The following LGR4 variants were observed in gnomAD, a reference collection of about 807,000 sequenced individuals.
The protein encoded by LGR4 is leucine-rich repeat-containing G protein-coupled receptor 4.
A neutral mutation model predicts 84.8 loss-of-function variants in LGR4; 44 were observed. That is an observed-to-expected ratio of 0.52 (90% CI 0.41 to 0.67). The LOEUF (loss-of-function observed/expected upper bound fraction) is 0.67. LGR4 is among the 30% of genes least tolerant of loss of function. The pLI, the probability that LGR4 is intolerant of heterozygous loss-of-function variation, is 0.00. For missense variants in LGR4, 1,032 were observed against 1,131.4 expected (o/e 0.91, Z 1.26); for synonymous variants, 429 against 434.3 (o/e 0.99, Z 0.15).
At chr11:27,433,340 G>A (rs1450544823) in intron 1 of LGR4, among the ~76,000 whole-genome samples, 1 of 151,944 alleles carries the variant, frequency 6.6e-6, no homozygotes, top group Non-Finnish European at 1.5e-5. Context: ...AGACTCCCCA[G>A]TAGTTGGGAC....
At chr11:27,379,021 G>C in intron 10 of LGR4, 1 of 480,482 alleles carries the variant, frequency 2.1e-6, no homozygotes, top group Non-Finnish European at 3.6e-6. Flanking sequence ...ACATGGACCA[G>C]GAGGAAAACA....
chr11:27,439,298 T>G (rs1339305265), intron 1 of LGR4, among the ~76,000 whole-genome samples: 1 of 152,226 alleles, frequency 6.6e-6, no homozygotes, highest in Non-Finnish European at 1.5e-5. Flanking sequence ...TAAGTACCTA[T>G]ATGAATGGAA....
At chr11:27,407,032 T>C (rs1672416844) in intron 2 of LGR4, among the ~76,000 whole-genome samples, 1 of 152,144 alleles carries the variant, frequency 6.6e-6, no homozygotes, top group African/African-American at 2.4e-5. Context: ...ATTGGTAAGA[T>C]ATAGAAGAGA....
intron 1 of LGR4, among the ~76,000 whole-genome samples, chr11:27,423,054 C>T (rs1025508174): frequency 1.3e-5 from 2 of 151,950 alleles, no homozygotes; most frequent in South Asian, 4.2e-4. Flanking sequence ...CTGATAAAAC[C>T]ATCCCTAGAT....
At chr11:27,402,273 G>C (rs950241798) in intron 2 of LGR4, among the ~76,000 whole-genome samples, 2 of 152,164 alleles carry the variant, frequency 1.3e-5, no homozygotes, top group Admixed American at 1.3e-4. Context: ...AGGGATTTCT[G>C]AGAAAGACAG....
chr11:27,469,285 CAACCAGCCTCAA>C (rs1478591196), intron 1 of LGR4, among the ~76,000 whole-genome samples: 1 of 152,184 alleles, frequency 6.6e-6, no homozygotes. Context: ...GAACAAGTTT[CAACCAGCCTCAA>C]GGAGAAGAAG....
In LGR4 at chr11:27,391,140, T is replaced by C. The variant is rs1454647061; in HGVS notation, c.355A>G (p.Thr119Ala). 4 of 1,608,716 alleles carry C rather than the reference T, an allele frequency of 2.5e-6. No individual in the cohort carries two copies. Among genetic ancestry groups the C allele is most frequent in the Non-Finnish European group, 3.4e-6 (4 of 1,177,134 alleles). Reference protein sequence around the residue: ...VLTLQNNQLKTVPSEAIRGLS... With the variant: ...VLTLQNNQLKAVPSEAIRGLS... ...CCTCGAATGGCTTCACTGGGTACTG[T>C]TTTCAACTGATTATTCTGGAGCGTT... The change falls in exon 4 of 18, where the codon ACA (threonine) becomes GCA (alanine). Residue 119 changes from threonine (T) to alanine (A), a missense_variant. Transcript: ENST00000379214.
chr11:27,424,220 C>T (rs538165979), intron 1 of LGR4, among the ~76,000 whole-genome samples: 4 of 152,280 alleles, frequency 2.6e-5, no homozygotes, highest in African/African-American at 7.2e-5. Context: ...TACACACACA[C>T]ATACACATTA....
At position 27,386,443 on chromosome 11, in the gene LGR4, T is replaced by C. The variant is rs532399395; in HGVS notation, c.402-975A>G. 7.5e-4 allele frequency among the ~76,000 whole-genome samples: 115 copies of C among 152,338 alleles called. 1 individual carries two copies. Among genetic ancestry groups the C allele is most frequent in the African/African-American group, 2.7e-3 (112 of 41,568 alleles). On this transcript the variant is annotated intron_variant, in intron 4 of 17. Coordinates refer to ENST00000379214, the MANE Select transcript of LGR4 (RefSeq NM_018490.5). The stretch of plus-strand genomic sequence containing the variant: ...TATCTTCATTACTTACATTCATGCC[T>C]CACAGCCTTGGACTTCTTTGTGAAA...
rs2133469461 is a variant in LGR4 at position 27,472,431 on chromosome 11, G to C, written c.-129C>G. The C allele has an allele frequency of 1.6e-6, 1 of 642,064 alleles. No individual in the cohort carries two copies. The highest frequency in any genetic ancestry group is 2.2e-6 in the Non-Finnish European group (1 of 454,464). The allele number at this position is 642,064 out of a possible 1,614,324, so 39.8% of individuals were successfully genotyped here. On this transcript the variant is annotated 5_prime_UTR_variant, in exon 1 of 18. Transcript: ENST00000379214. ...GGGGGTCTCTTCCTCGGCGGTCCGC[G>C]CGGGCTCGGCCCCTTCAGCAGTCCG...
chr11:27,373,823 C>T (rs902954143), intron 14 of LGR4, 147 bp from the exon 15 acceptor site: 40 of 1,006,618 alleles, frequency 4.0e-5, no homozygotes, highest in Non-Finnish European at 5.5e-5. Context: ...TGTATCTTGC[C>T]GTTTAAGAAG....
At chr11:27,398,595 G>A (rs148339435) in intron 2 of LGR4, among the ~76,000 whole-genome samples, 3 of 152,258 alleles carry the variant, frequency 2.0e-5, no homozygotes, top group South Asian at 2.1e-4. Flanking sequence ...GCGAGGAGAC[G>A]TCGGGCAGAA....
intron 1 of LGR4, among the ~76,000 whole-genome samples, chr11:27,438,657 C>T (rs1384300876): frequency 6.8e-6 from 1 of 146,362 alleles, no homozygotes; most frequent in Non-Finnish European, 1.5e-5. Flanking sequence ...ATGGGTGGGC[C>T]TCATCCAATC....
chr11:27,426,855 T>C (rs1313122869), intron 1 of LGR4, among the ~76,000 whole-genome samples: 1 of 152,150 alleles, frequency 6.6e-6, no homozygotes, highest in Admixed American at 6.6e-5. Context: ...TTAAGCTGGA[T>C]TGTGTTGCAG....
intron 1 of LGR4, among the ~76,000 whole-genome samples, chr11:27,443,984 T>G (rs1864345515): frequency 6.6e-6 from 1 of 152,204 alleles, no homozygotes; most frequent in South Asian, 2.1e-4. Context: ...TGTAGCATTT[T>G]CCTTTTTCCT....
intron 1 of LGR4, among the ~76,000 whole-genome samples, chr11:27,424,446 C>T (rs1863982781): frequency 6.6e-6 from 1 of 152,114 alleles, no homozygotes; most frequent in South Asian, 2.1e-4. Context: ...CTGCAGTGAG[C>T]CAAGATGGCA....
intron 1 of LGR4, among the ~76,000 whole-genome samples, chr11:27,435,229 A>C (rs1329252522): frequency 6.6e-6 from 1 of 151,734 alleles, no homozygotes; most frequent in Admixed American, 6.6e-5. Flanking sequence ...GTTGCTTGGG[A>C]GGCTGAGGAA....
chr11:27,371,871 T>G (rs1862890238), intron 16 of LGR4, among the ~76,000 whole-genome samples, 173 bp from the exon 17 acceptor site: 1 of 152,192 alleles, frequency 6.6e-6, no homozygotes. Context: ...GGTTTTGGTT[T>G]TTTTTAGAGA....
chr11:27,373,733 T>C (rs1047227237), intron 14 of LGR4, 57 bp from the exon 15 acceptor site: 2 of 1,419,174 alleles, frequency 1.4e-6, no homozygotes, highest in African/African-American at 1.4e-5. Flanking sequence ...CATAAAAACA[T>C]CTGTACACGT....
Sources: allele counts gnomAD v4.1 joint callset (sites outside exome capture counted in the v4.1 genomes callset), GRCh38; gene constraint gnomAD v4.1.1; transcripts MANE v1.5; gene names NCBI Gene and HGNC (gene_info 2026-07-23, HGNC 2026-07-21).